Variants in ZNF385D observed in about 807,000 individuals in gnomAD.
The protein encoded by ZNF385D is zinc finger protein 385D.
A neutral mutation model predicts 35.8 loss-of-function variants in ZNF385D; 15 were observed. That is an observed-to-expected ratio of 0.42 (90% confidence interval 0.28 to 0.64). The LOEUF (loss-of-function observed/expected upper bound fraction) is 0.64, where lower values mean the gene tolerates loss of function less well. ZNF385D is among the 30% of genes least tolerant of loss of function. The pLI is 0.23. For synonymous variants in ZNF385D, 212 were observed against 186.8 expected (o/e 1.13, Z -1.10); for missense variants, 474 against 494.6 (o/e 0.96, Z 0.39).
intron 2 of ZNF385D, among the ~76,000 whole-genome samples, chr3:22,178,609 G>C (rs1184163963): frequency 6.6e-6 from 1 of 152,066 alleles, no homozygotes; most frequent in Non-Finnish European, 1.5e-5. Flanking sequence ...TGTCAGTTTT[G>C]GCTTTTGTTG....
At chr3:21,868,464 C>T (rs1450513312) in intron 3 of ZNF385D, among the ~76,000 whole-genome samples, 2 of 152,170 alleles carry the variant, frequency 1.3e-5, no homozygotes, top group Non-Finnish European at 2.9e-5. Context: ...CTTTCCACTT[C>T]TGGTTAACAT....
At chr3:21,450,567 G>C (rs1702399156) in intron 4 of ZNF385D, among the ~76,000 whole-genome samples, 1 of 152,064 alleles carries the variant, frequency 6.6e-6, no homozygotes, top group African/African-American at 2.4e-5. Context: ...TGTATGATTT[G>C]GTTCAGTGAA....
intron 3 of ZNF385D, among the ~76,000 whole-genome samples, chr3:21,530,880 T>C (rs896794818): frequency 1.2e-4 from 19 of 152,302 alleles, no homozygotes; most frequent in Admixed American, 3.3e-4. Flanking sequence ...TCCGTGTTTA[T>C]TTATGCACTT....
Position 21,900,438 on chromosome 3 carries a change from A to G in ZNF385D, c.326-235410T>C, listed in dbSNP as rs1416955347. Among the ~76,000 whole-genome samples the G allele has an allele frequency of 1.3e-5, 2 of 152,212 alleles. 1 individual carries two copies. On this transcript the variant is annotated intron_variant, in intron 3 of 5. Coordinates refer to the ZNF385D transcript ENST00000494108. ...CTTTATAATAATGTTGTTATTGATT[A>G]CAATAATATATCTTTGCTGATTACT...
At chr3:21,707,618 T>G (rs908592003) in intron 1 of ZNF385D, among the ~76,000 whole-genome samples, 15 of 152,222 alleles carry the variant, frequency 9.9e-5, no homozygotes, top group African/African-American at 3.6e-4. Context: ...CAGCAGTGTA[T>G]GCTAATATGA....
At chr3:22,321,279 T>G (rs1320604944) in intron 2 of ZNF385D, among the ~76,000 whole-genome samples, 1 of 151,922 alleles carries the variant, frequency 6.6e-6, no homozygotes, top group East Asian at 1.9e-4. Flanking sequence ...AAACATATTT[T>G]GTATAACCTT....
intron 2 of ZNF385D, among the ~76,000 whole-genome samples, chr3:22,269,797 ATCC>A (rs1701080907): frequency 6.6e-6 from 1 of 151,732 alleles, no homozygotes. Flanking sequence ...ACATTCTTTA[ATCC>A]TCTGCTTGTC....
At chr3:21,569,146 A>C (rs1259061502) in intron 2 of ZNF385D, among the ~76,000 whole-genome samples, 2 of 151,904 alleles carry the variant, frequency 1.3e-5, no homozygotes, top group African/African-American at 4.8e-5. Flanking sequence ...TGATCTGTCT[A>C]ATGTTGACAG....
chr3:22,282,404 T>C (rs1701800330), intron 2 of ZNF385D, among the ~76,000 whole-genome samples: 1 of 152,122 alleles, frequency 6.6e-6, no homozygotes, highest in African/African-American at 2.4e-5. Context: ...ACTTTTGCTG[T>C]TTCTTAGAGG....
chr3:21,960,203 T>TAC (rs61528907), intron 3 of ZNF385D, among the ~76,000 whole-genome samples: 1 of 149,372 alleles, frequency 6.7e-6, no homozygotes. Flanking sequence ...TAAACAGCAA[T>TAC]ACACACACAC....
chr3:22,286,769 T>C (rs927449400), intron 2 of ZNF385D, among the ~76,000 whole-genome samples: 1 of 152,128 alleles, frequency 6.6e-6, no homozygotes, highest in Admixed American at 6.6e-5. Context: ...CAAAGAAATA[T>C]GTTGAGACTT....
At chr3:21,936,497 TA>T (rs1301165868) in intron 3 of ZNF385D, among the ~76,000 whole-genome samples, 5 of 152,118 alleles carry the variant, frequency 3.3e-5, no homozygotes, top group Admixed American at 1.3e-4. Flanking sequence ...ATAAACAATT[TA>T]AATTGGTGTC....
chr3:21,912,638 T>A (rs1700017441), intron 3 of ZNF385D, among the ~76,000 whole-genome samples: 1 of 152,026 alleles, frequency 6.6e-6, no homozygotes, highest in Non-Finnish European at 1.5e-5. Flanking sequence ...AATGCCACGT[T>A]AGGGGATTGT....
intron 2 of ZNF385D, among the ~76,000 whole-genome samples, chr3:22,288,587 A>G (rs1702142489): frequency 6.6e-6 from 1 of 151,942 alleles, no homozygotes; most frequent in Non-Finnish European, 1.5e-5. Context: ...TCTGTTTGGT[A>G]CTTTTTATAG....
At chr3:21,686,543 A>G (rs1230788921) in intron 1 of ZNF385D, among the ~76,000 whole-genome samples, 1 of 152,176 alleles carries the variant, frequency 6.6e-6, no homozygotes, top group African/African-American at 2.4e-5. Context: ...TTAATTTAAT[A>G]ATATATATTT....
At chr3:21,824,414 TAAA>T (rs146963314) in intron 3 of ZNF385D, among the ~76,000 whole-genome samples, 5 of 151,192 alleles carry the variant, frequency 3.3e-5, no homozygotes, top group African/African-American at 1.2e-4. Context: ...CTCAAAATAA[TAAA>T]AAACAAAATC....
chr3:21,754,682 A>C (rs760093057), upstream of ZNF385D, among the ~76,000 whole-genome samples: 15 of 149,630 alleles, frequency 1.0e-4, no homozygotes, highest in Non-Finnish European at 1.9e-4. Flanking sequence ...TTCCTCCCTT[A>C]TTTTTCTCCA....
At chr3:21,697,599 G>C (rs1412285222) in intron 1 of ZNF385D, among the ~76,000 whole-genome samples, 3 of 152,052 alleles carry the variant, frequency 2.0e-5, no homozygotes, top group Admixed American at 6.6e-5. Context: ...ACCAAAAATG[G>C]ACAAATGGGA....
intron 3 of ZNF385D, among the ~76,000 whole-genome samples, chr3:21,944,825 A>C (rs1294180777): frequency 6.6e-6 from 1 of 152,114 alleles, no homozygotes; most frequent in Non-Finnish European, 1.5e-5. Flanking sequence ...AAATGAGCAA[A>C]TTCATTGATG....
Sources: allele counts gnomAD v4.1 joint callset (sites outside exome capture counted in the v4.1 genomes callset), GRCh38; gene constraint gnomAD v4.1.1; transcripts MANE v1.5; gene names NCBI Gene and HGNC (gene_info 2026-07-23, HGNC 2026-07-21).